Variants in FGF10 observed in about 807,000 individuals in gnomAD.
FGF10 encodes the protein fibroblast growth factor 10, also known as FGF-10.
Under a neutral mutation model 19.8 loss-of-function variants are expected in FGF10, and 2 were observed. That is an observed-to-expected ratio of 0.10 (90% CI 0.04 to 0.32). FGF10 has a LOEUF of 0.32. FGF10 is among the 10% of genes least tolerant of loss of function. The pLI is 1.00. For missense variants in FGF10, 191 were observed against 246.3 expected (o/e 0.78, Z 1.50); for synonymous variants, 112 against 94.0 (o/e 1.19, Z -1.10).
chr5:44,325,960 T>C (rs1740605807), intron 1 of FGF10, among the ~76,000 whole-genome samples: 1 of 152,164 alleles, frequency 6.6e-6, no homozygotes, highest in African/African-American at 2.4e-5. Context: ...ATACAGCATA[T>C]ATTTCACAGT....
intron 1 of FGF10, among the ~76,000 whole-genome samples, chr5:44,334,932 C>T (rs1385768170): frequency 6.6e-6 from 1 of 152,028 alleles, no homozygotes; most frequent in Non-Finnish European, 1.5e-5. Flanking sequence ...AGAACTTTTC[C>T]CTTTCTTTGT....
Position 44,388,822 on chromosome 5 carries a change from G to T in FGF10, c.-140C>A. The T allele has an allele frequency of 1.2e-6, 1 of 816,010 alleles. No individual in the cohort carries two copies. Among genetic ancestry groups the T allele is most frequent in the Admixed American group, 2.0e-5 (1 of 49,988 alleles). 50.5% of individuals were successfully genotyped at this position (816,010 alleles called of 1,614,324 possible). On this transcript the variant is annotated 5_prime_UTR_variant, in exon 1 of 3. It introduces an in-frame stop codon into an upstream open reading frame of the 5' UTR. Transcript: ENST00000264664. The stretch of plus-strand genomic sequence containing the variant: ...TCTGGGCGCGGATCTGGCCAGAAGT[G>T]AATGCACCAACATCCATAACTCCTC...
intron 1 of FGF10, among the ~76,000 whole-genome samples, chr5:44,337,737 C>T (rs941066902): frequency 3.9e-5 from 6 of 152,004 alleles, no homozygotes; most frequent in Non-Finnish European, 5.9e-5. Flanking sequence ...GTCAGGAGAT[C>T]GAGACCATCC....
intron 1 of FGF10, 145 bp from the exon 2 acceptor site, chr5:44,310,675 A>G (rs1740191867): frequency 1.1e-5 from 7 of 651,298 alleles, no homozygotes; most frequent in Non-Finnish European, 1.9e-5. Flanking sequence ...CAAGCAAACA[A>G]GCAAATCTTT....
intron 1 of FGF10, among the ~76,000 whole-genome samples, chr5:44,332,760 T>C (rs969737078): frequency 3.9e-5 from 6 of 152,088 alleles, no homozygotes; most frequent in Non-Finnish European, 8.8e-5. Context: ...GGTATATAAT[T>C]ACTTTAAGTA....
chr5:44,346,962 A>C (rs1252562818), intron 1 of FGF10, among the ~76,000 whole-genome samples: 1 of 151,816 alleles, frequency 6.6e-6, no homozygotes, highest in African/African-American at 2.4e-5. Flanking sequence ...TAAAATTATA[A>C]ATTATAAATT....
At chr5:44,314,726 G>C (rs1259367348) in intron 1 of FGF10, among the ~76,000 whole-genome samples, 1 of 152,118 alleles carries the variant, frequency 6.6e-6, no homozygotes. Flanking sequence ...TTTCCCAGCT[G>C]CTGCTTCTCA....
rs1740023966 is a variant in FGF10, at chr5:44,304,249, C to T, written c.*746G>A. ...TGAAGTGTTCGCCAAGTTTTAAAAACACTTTGTCGTGAACATGCATGTGGT... is the reference window on the plus strand; with the variant it reads ...TGAAGTGTTCGCCAAGTTTTAAAAATACTTTGTCGTGAACATGCATGTGGT... On this transcript the variant is annotated 3_prime_UTR_variant, in exon 3 of 3. Coordinates refer to ENST00000264664, the MANE Select transcript of FGF10 (RefSeq NM_004465.2). 1 of 152,164 alleles carries T rather than the reference C, an allele frequency of 6.6e-6. No individual in the cohort carries two copies. Among genetic ancestry groups the T allele is most frequent in the South Asian group, 2.1e-4 (1 of 4,828 alleles). 9.4% of individuals were successfully genotyped at this position (152,164 alleles called of 1,614,324 possible).
At chr5:44,309,346 A>G (rs571136451) in intron 2 of FGF10, among the ~76,000 whole-genome samples, 48 of 152,246 alleles carry the variant, frequency 3.2e-4, no homozygotes, top group South Asian at 8.3e-4. Flanking sequence ...ACATGCACAA[A>G]CTAATATACT....
At chr5:44,333,622 C>G (rs1740786059) in intron 1 of FGF10, among the ~76,000 whole-genome samples, 1 of 152,054 alleles carries the variant, frequency 6.6e-6, no homozygotes, top group African/African-American at 2.4e-5. Context: ...AGGTTAAAGT[C>G]AAGGTCCAAA....
chr5:44,380,862 A>T (rs1019988160), intron 1 of FGF10, among the ~76,000 whole-genome samples: 2 of 152,114 alleles, frequency 1.3e-5, no homozygotes, highest in Non-Finnish European at 2.9e-5. Flanking sequence ...GCAGGGTGGT[A>T]CATGCCTGCA....
chr5:44,311,736 A>G (rs1251899990), intron 1 of FGF10, among the ~76,000 whole-genome samples: 1 of 152,142 alleles, frequency 6.6e-6, no homozygotes, highest in East Asian at 1.9e-4. Flanking sequence ...ATCCTGAACA[A>G]TACATACAAA....
chr5:44,366,346 T>A (rs1259390393), intron 1 of FGF10, among the ~76,000 whole-genome samples: 3 of 151,876 alleles, frequency 2.0e-5, no homozygotes, highest in Non-Finnish European at 4.4e-5. Context: ...AAAGGCATCC[T>A]GCATTTTCAC....
intron 1 of FGF10, among the ~76,000 whole-genome samples, chr5:44,382,374 C>T (rs949839511): frequency 6.6e-6 from 1 of 152,164 alleles, no homozygotes; most frequent in Non-Finnish European, 1.5e-5. Flanking sequence ...TGTGTAAAAT[C>T]TATACAAATT....
rs116501619 is a variant in FGF10, at chr5:44,359,053, T to G, written c.325+29305A>C. ...TTGGCATACACAATGGCTCAAGCCT[T>G]TTAGCAGTTGATTATGTGCAGTGTT... On this transcript the variant is annotated intron_variant, in intron 1 of 2. Coordinates refer to ENST00000264664, the MANE Select transcript of FGF10 (RefSeq NM_004465.2). 1.8e-3 allele frequency among the ~76,000 whole-genome samples: 277 copies of G among 151,640 alleles called. 2 individuals carry two copies. The highest frequency in any genetic ancestry group is 6.6e-3 in the African/African-American group (275 of 41,468).
chr5:44,321,643 T>C (rs1740492030), intron 1 of FGF10, among the ~76,000 whole-genome samples: 1 of 152,332 alleles, frequency 6.6e-6, no homozygotes, highest in East Asian at 1.9e-4. Flanking sequence ...CCAAAAAATG[T>C]CACTTGAACT....
chr5:44,332,767 A>G (rs1163090026), intron 1 of FGF10, among the ~76,000 whole-genome samples: 1 of 152,138 alleles, frequency 6.6e-6, no homozygotes, highest in African/African-American at 2.4e-5. Flanking sequence ...AATTACTTTA[A>G]GTAAGGAAGG....
intron 1 of FGF10, among the ~76,000 whole-genome samples, chr5:44,360,149 A>T (rs928275899): frequency 6.6e-6 from 1 of 151,586 alleles, no homozygotes; most frequent in African/African-American, 2.4e-5. Context: ...TTTTGCCAAA[A>T]TGCACTTGGA....
intron 1 of FGF10, among the ~76,000 whole-genome samples, chr5:44,325,721 C>T (rs1277367685): frequency 7.2e-6 from 1 of 138,634 alleles, no homozygotes; most frequent in Non-Finnish European, 1.5e-5. Flanking sequence ...ACATCACACA[C>T]CAGGGCCTGG....
Sources: allele counts gnomAD v4.1 joint callset (sites outside exome capture counted in the v4.1 genomes callset), GRCh38; gene constraint gnomAD v4.1.1; transcripts MANE v1.5; gene names NCBI Gene and HGNC (gene_info 2026-07-23, HGNC 2026-07-21).